Variants in AKR1B15 observed in about 807,000 individuals in gnomAD.
The protein encoded by AKR1B15 is aldo-keto reductase family 1 member B15.
In AKR1B15, 49 loss-of-function variants were observed where a neutral mutation model predicts 38.5. The observed-to-expected ratio is 1.27, with a 90% confidence interval of 1.01 to 1.62. AKR1B15 has a LOEUF of 1.62. Ranked by LOEUF, AKR1B15 falls within the 40% of genes most tolerant of loss-of-function variation. The pLI is 0.00. For synonymous variants in AKR1B15, 137 were observed against 135.5 expected (o/e 1.01, Z -0.08); for missense variants, 411 against 381.6 (o/e 1.08, Z -0.64).
At chr7:134,561,913 C>A (rs1227397871) in intron 2 of AKR1B15, among the ~76,000 whole-genome samples, 2 of 152,222 alleles carry the variant, frequency 1.3e-5, no homozygotes, top group Non-Finnish European at 2.9e-5. Flanking sequence ...CACCTCTCCT[C>A]CCTAGACTCC....
chr7:134,571,691 A>T lies in AKR1B15; in HGVS notation c.513+10A>T, dbSNP rs1208109443. The T allele has an allele frequency of 6.2e-7, 1 of 1,609,630 alleles. No individual in the cohort carries two copies. Among genetic ancestry groups the T allele is most frequent in the Non-Finnish European group, 8.5e-7 (1 of 1,176,490 alleles). On this transcript the variant is annotated intron_variant, in intron 6 of 11. Coordinates refer to ENST00000457545, the MANE Select transcript of AKR1B15 (RefSeq NM_001080538.3). ...CTTGGATGCCTGGGAGGTAGGTTCCAGCTTTGTCTAAGTGTGCTGGGAGAG... is the reference window on the plus strand; with the variant it reads ...CTTGGATGCCTGGGAGGTAGGTTCCTGCTTTGTCTAAGTGTGCTGGGAGAG...
chr7:134,553,501 G>A (rs1047671948), intron 1 of AKR1B15, among the ~76,000 whole-genome samples: 2 of 152,188 alleles, frequency 1.3e-5, no homozygotes, highest in African/African-American at 4.8e-5. Context: ...TGGCCAAGTT[G>A]TCTGTGAGCC....
intron 6 of AKR1B15, chr7:134,573,407 C>T: frequency 1.0e-6 from 1 of 985,338 alleles, no homozygotes; most frequent in Non-Finnish European, 1.2e-6. Flanking sequence ...GTCAATGTAC[C>T]CTGCTTCTCA....
chr7:134,579,660 T>A lies in AKR1B15; in HGVS notation c.*111T>A. The A allele has an allele frequency of 1.0e-6, 1 of 999,526 alleles. No homozygotes were observed. Among genetic ancestry groups the A allele is most frequent in the African/African-American group, 1.7e-5 (1 of 59,974 alleles). 61.9% of individuals were successfully genotyped at this position (999,526 alleles called of 1,614,324 possible). A position where few individuals can be genotyped will look rare whatever the true frequency, so the allele number is the denominator to read the frequency against. On this transcript the variant is annotated 3_prime_UTR_variant, in exon 12 of 12. Transcript: ENST00000457545. ...AGCTTATCTGAGATCACAGTGAACT[T>A]TGTCCTGTTGTAGACCAGAATGGAG...
intron 1 of AKR1B15, among the ~76,000 whole-genome samples, chr7:134,555,442 A>T (rs1420970903): frequency 6.6e-6 from 1 of 152,138 alleles, no homozygotes; most frequent in Non-Finnish European, 1.5e-5. Context: ...AGCAAAAAAA[A>T]TGGGTCCCCA....
At chr7:134,562,450 T>C (rs55708617) in intron 2 of AKR1B15, among the ~76,000 whole-genome samples, 2,010 of 151,954 alleles carry the variant, frequency 0.013, 60 homozygotes, top group African/African-American at 0.046. Flanking sequence ...AGAGTGCTGA[T>C]TGGTCTATTT....
At chr7:134,572,542 T>C (rs550117656) in intron 6 of AKR1B15, among the ~76,000 whole-genome samples, 1 of 151,572 alleles carries the variant, frequency 6.6e-6, no homozygotes, top group Non-Finnish European at 1.5e-5. Context: ...GCAGGAGAAT[T>C]GTGTGAACTT....
chr7:134,559,875 C>T (rs1794330619), intron 2 of AKR1B15, among the ~76,000 whole-genome samples: 1 of 152,104 alleles, frequency 6.6e-6, no homozygotes, highest in African/African-American at 2.4e-5. Flanking sequence ...TTTGGGAGGC[C>T]AAGGCAGGCA....
Position 134,577,756 on chromosome 7 carries a change from A to G in AKR1B15, c.962A>G (p.Asn321Ser). ...DEEMATILSF[N>S]RNWRAFDFKE... ...GAGATGGCAACCATACTCAGCTTCA[A>G]CAGAAACTGGAGGGCCTTTGACTTC... Residue 321 changes from asparagine to serine, a missense_variant, in exon 11 of 12, where the codon AAC (asparagine) becomes AGC (serine). Asn to Ser is a conservative substitution (Grantham distance 46). Around this residue, in one of 3 missense-constraint regions of AKR1B15, gnomAD observed 133 missense variants for 120.3 expected, o/e 1.11. Transcript: ENST00000457545. 6.2e-7 allele frequency: 1 copy of G among 1,614,002 alleles called. No individual in the cohort carries two copies. The highest frequency in any genetic ancestry group is 1.1e-5 in the South Asian group (1 of 91,064).
rs1278895471 is a variant in AKR1B15, at chr7:134,575,735, T to C, written c.637-86T>C. Reference sequence around the variant, plus strand: ...GCGCACTTGTTTGGCCTTTGCTTGGTGGACTTTTTTTGTGTGTAGAACTCC... The same window carrying C: ...GCGCACTTGTTTGGCCTTTGCTTGGCGGACTTTTTTTGTGTGTAGAACTCC... On this transcript the variant is annotated intron_variant, in intron 7 of 11. Coordinates refer to ENST00000457545, the MANE Select transcript of AKR1B15 (RefSeq NM_001080538.3). 1.1e-5 allele frequency: 17 copies of C among 1,592,098 alleles called. 1 individual carries two copies. The highest frequency in any genetic ancestry group is 1.5e-5 in the Non-Finnish European group (17 of 1,167,990).
At chr7:134,578,331 C>A (rs1401251376) in intron 11 of AKR1B15, among the ~76,000 whole-genome samples, 1 of 152,104 alleles carries the variant, frequency 6.6e-6, no homozygotes, top group Non-Finnish European at 1.5e-5. Context: ...GAGGGATATG[C>A]CATATGTATA....
chr7:134,571,737 G>A, intron 6 of AKR1B15, 56 bp downstream of exon 6: 1 of 1,356,210 alleles, frequency 7.4e-7, no homozygotes, highest in South Asian at 1.2e-5. Context: ...TTATCCATGA[G>A]ATTCCCATTG....
intron 1 of AKR1B15, among the ~76,000 whole-genome samples, chr7:134,555,365 G>A (rs780304801): frequency 6.6e-6 from 1 of 151,954 alleles, no homozygotes; most frequent in Non-Finnish European, 1.5e-5. Flanking sequence ...CACACCAACA[G>A]CTCTGAAGGT....
chr7:134,559,454 T>G (rs1251980724), intron 2 of AKR1B15, among the ~76,000 whole-genome samples: 2 of 152,146 alleles, frequency 1.3e-5, no homozygotes, highest in African/African-American at 4.8e-5. Flanking sequence ...TTGTAAGCCA[T>G]GACACTGTAA....
At chr7:134,577,202 A>G (rs1378773741) in intron 10 of AKR1B15, among the ~76,000 whole-genome samples, 156 bp downstream of exon 10, 2 of 152,114 alleles carry the variant, frequency 1.3e-5, no homozygotes, top group African/African-American at 4.8e-5. Context: ...GGCTCGGTAG[A>G]GCTGAGATGA....
intron 11 of AKR1B15, 144 bp from the exon 12 acceptor site, chr7:134,579,363 T>C (rs1381597152): frequency 3.1e-6 from 2 of 647,604 alleles, no homozygotes; most frequent in East Asian, 2.9e-5. Flanking sequence ...AAGGTCAAGG[T>C]GTAAGCACCC....
chr7:134,557,722 G>T (rs1368024771), intron 2 of AKR1B15, among the ~76,000 whole-genome samples: 1 of 151,998 alleles, frequency 6.6e-6, no homozygotes, highest in East Asian at 1.9e-4. Flanking sequence ...GTAAAAAATT[G>T]CTTCAGCTAC....
intron 1 of AKR1B15, among the ~76,000 whole-genome samples, chr7:134,556,142 A>T (rs1445566292): frequency 6.6e-6 from 1 of 152,194 alleles, no homozygotes; most frequent in Non-Finnish European, 1.5e-5. Context: ...CCATGAAGCC[A>T]ATCAGAACTT....
intron 2 of AKR1B15, among the ~76,000 whole-genome samples, chr7:134,560,474 A>G (rs2117633804): frequency 6.6e-6 from 1 of 152,344 alleles, no homozygotes; most frequent in South Asian, 2.1e-4. Context: ...ACGAGCAAAT[A>G]AATGGTTGCT....
Sources: allele counts gnomAD v4.1 joint callset (sites outside exome capture counted in the v4.1 genomes callset), GRCh38; gene constraint gnomAD v4.1.1; regional missense constraint gnomAD v4.1.1; transcripts MANE v1.5; gene names NCBI Gene and HGNC (gene_info 2026-07-23, HGNC 2026-07-21).